Variants in WDTC1 observed in about 807,000 individuals in gnomAD.
WDTC1 encodes WD and tetratricopeptide repeats protein 1.
A neutral mutation model predicts 76.0 loss-of-function variants in WDTC1; 12 were observed. The observed-to-expected ratio is 0.16, with a 90% CI of 0.10 to 0.26. The LOEUF (loss-of-function observed/expected upper bound fraction) is 0.26. Among genes scored for constraint, WDTC1 ranks in the 10% least tolerant of loss-of-function variants. The pLI is 1.00. For synonymous variants in WDTC1, 326 were observed against 350.8 expected, an observed-to-expected ratio of 0.93 and a Z score of 0.79; for missense variants, 511 against 908.8, an observed-to-expected ratio of 0.56 and a Z score of 5.63.
chr1:27,241,836 C>G (rs1450284757), intron 1 of WDTC1, among the ~76,000 whole-genome samples: 3 of 151,362 alleles, frequency 2.0e-5, no homozygotes, highest in Non-Finnish European at 4.4e-5. Flanking sequence ...TGAAAACATC[C>G]AGAAAAAATT....
At chr1:27,267,701 A>G (rs1055698463) in intron 3 of WDTC1, among the ~76,000 whole-genome samples, 1 of 152,158 alleles carries the variant, frequency 6.6e-6, no homozygotes, top group Non-Finnish European at 1.5e-5. Context: ...TCAGTAAGAA[A>G]ATCAACAACT....
At chr1:27,251,900 T>G (rs2012077718) in intron 1 of WDTC1, among the ~76,000 whole-genome samples, 1 of 151,928 alleles carries the variant, frequency 6.6e-6, no homozygotes, top group Admixed American at 6.6e-5. Flanking sequence ...AATACAAAAC[T>G]TAGCCGGGCA....
At chr1:27,289,581 A>G (rs1313525029) in intron 6 of WDTC1, among the ~76,000 whole-genome samples, 1 of 151,716 alleles carries the variant, frequency 6.6e-6, no homozygotes, top group Non-Finnish European at 1.5e-5. Flanking sequence ...CCCAGACGGG[A>G]TGGCGGCCAG....
intron 3 of WDTC1, among the ~76,000 whole-genome samples, chr1:27,273,821 G>A (rs979070678): frequency 2.3e-5 from 3 of 129,764 alleles, no homozygotes; most frequent in Non-Finnish European, 3.2e-5. Context: ...TACTTTACAC[G>A]TGTGTGTGTG....
intron 2 of WDTC1, among the ~76,000 whole-genome samples, chr1:27,261,345 G>T (rs2012470380): frequency 6.6e-6 from 1 of 152,212 alleles, no homozygotes. Flanking sequence ...AATGCAGGCT[G>T]GCAAGGGAGG....
At chr1:27,282,081 C>T (rs1033436551) in intron 3 of WDTC1, among the ~76,000 whole-genome samples, 158 bp from the exon 4 acceptor site, 1 of 152,122 alleles carries the variant, frequency 6.6e-6, no homozygotes, top group East Asian at 1.9e-4. Flanking sequence ...TATTGTAAGA[C>T]GCTAGTCAGT....
chr1:27,236,419 T>C (rs534771330), intron 1 of WDTC1, among the ~76,000 whole-genome samples: 1 of 152,228 alleles, frequency 6.6e-6, no homozygotes, highest in Non-Finnish European at 1.5e-5. Flanking sequence ...CTTTCCTTTT[T>C]TGACCTATAT....
intron 3 of WDTC1, among the ~76,000 whole-genome samples, chr1:27,273,583 G>T (rs1451263584): frequency 6.6e-6 from 1 of 152,130 alleles, no homozygotes; most frequent in African/African-American, 2.4e-5. Context: ...GATTCTGAAT[G>T]AGGAAAATAA....
chr1:27,262,449 C>T (rs1177501656), intron 2 of WDTC1, among the ~76,000 whole-genome samples: 1 of 151,052 alleles, frequency 6.6e-6, no homozygotes, highest in Non-Finnish European at 1.5e-5. Flanking sequence ...AGTGCAGTGG[C>T]ATGATCTTGG....
chr1:27,256,274 A>G (rs1189330077), intron 1 of WDTC1, among the ~76,000 whole-genome samples: 1 of 152,084 alleles, frequency 6.6e-6, no homozygotes, highest in Non-Finnish European at 1.5e-5. Flanking sequence ...GCTACACTCC[A>G]GGTGAACTCT....
chr1:27,256,779 T>C (rs1302484570), intron 1 of WDTC1, among the ~76,000 whole-genome samples: 1 of 152,236 alleles, frequency 6.6e-6, no homozygotes, highest in Non-Finnish European at 1.5e-5. Flanking sequence ...AAAAGCTCCT[T>C]ATGTTCATTT....
intron 1 of WDTC1, among the ~76,000 whole-genome samples, chr1:27,243,554 C>G (rs1303273824): frequency 6.6e-6 from 1 of 152,060 alleles, no homozygotes; most frequent in Non-Finnish European, 1.5e-5. Flanking sequence ...CCCCTGGAGT[C>G]AGACTGTATA....
At chr1:27,300,634 C>T (rs2013807366) in intron 12 of WDTC1, among the ~76,000 whole-genome samples, 1 of 152,164 alleles carries the variant, frequency 6.6e-6, no homozygotes, top group Admixed American at 6.5e-5. Context: ...CTCTGCCAGA[C>T]TGTCAGGCCC....
At chr1:27,282,726 ACTC>A (rs1477524110) in intron 4 of WDTC1, among the ~76,000 whole-genome samples, 6 of 151,254 alleles carry the variant, frequency 4.0e-5, no homozygotes. Context: ...CTGGTCTCAA[ACTC>A]CTGAGCTCAG....
chr1:27,292,523 G>A lies in WDTC1; in HGVS notation c.662+126G>A, dbSNP rs373296623. On this transcript the variant is annotated intron_variant, in intron 7 of 15. Coordinates refer to ENST00000319394, the MANE Select transcript of WDTC1 (RefSeq NM_001276252.2). The stretch of plus-strand genomic sequence containing the variant: ...GCTCACTGCAGCCTCAACCTCCCAG[G>A]CTCAAGCGATCCTCCCATCTCAGCC... The A allele has an allele frequency of 1.2e-3, 1,071 of 866,342 alleles. 8 individuals carry two copies. In the African/African-American group the frequency reaches 0.017, roughly 14 times the overall value. The allele number at this position is 866,342 out of a possible 1,614,324, so 53.7% of individuals were successfully genotyped here. A position where few individuals can be genotyped will look rare whatever the true frequency, so the allele number is the denominator to read the frequency against.
chr1:27,262,289 CACCATTTAGAAGGATTG>C (rs1484150623), intron 2 of WDTC1, among the ~76,000 whole-genome samples: 1 of 151,924 alleles, frequency 6.6e-6, no homozygotes, highest in African/African-American at 2.4e-5. Context: ...AAGCTGTGGT[CACCATTTAGAAGGATTG>C]AGTATGTGCC....
At position 27,308,578 on chromosome 1, in the gene WDTC1, T is replaced by C. The variant is rs1195234084; in HGVS notation, c.*2195T>C. ...GATTACTTGTAGATATGTGTGTGTG[T>C]ATATATATATAAAAAAAATGAACAA... is the stretch of plus-strand genomic sequence containing the variant. On this transcript the variant is annotated 3_prime_UTR_variant, in exon 16 of 16. Transcript: ENST00000319394. The C allele has an allele frequency of 6.8e-6, 1 of 148,092 alleles. No homozygotes were observed. The highest frequency in any genetic ancestry group is 1.5e-5 in the Non-Finnish European group (1 of 65,738). 9.2% of individuals were successfully genotyped at this position (148,092 alleles called of 1,614,324 possible). A position where few individuals can be genotyped will look rare whatever the true frequency, so the allele number is the denominator to read the frequency against.
intron 1 of WDTC1, among the ~76,000 whole-genome samples, chr1:27,248,525 C>A (rs2011926180): frequency 6.6e-6 from 1 of 151,924 alleles, no homozygotes; most frequent in Non-Finnish European, 1.5e-5. Flanking sequence ...TGTTTAAGTT[C>A]CTTATAGATG....
intron 14 of WDTC1, 169 bp from the exon 15 acceptor site, chr1:27,304,832 C>T: frequency 1.6e-6 from 1 of 622,410 alleles, no homozygotes; most frequent in Non-Finnish European, 2.7e-6. Flanking sequence ...AGAACAGTGA[C>T]CAGGGCTATA....
Sources: allele counts gnomAD v4.1 joint callset (sites outside exome capture counted in the v4.1 genomes callset), GRCh38; gene constraint gnomAD v4.1.1; transcripts MANE v1.5; gene names NCBI Gene and HGNC (gene_info 2026-07-23, HGNC 2026-07-21).